OC90: variants seen among roughly 807,000 people sequenced by gnomAD.
The protein encoded by OC90 is otoconin-90.
Under a neutral mutation model 47.3 loss-of-function variants are expected in OC90, and 46 were observed. That is an observed-to-expected ratio of 0.97 (90% confidence interval 0.77 to 1.24). The LOEUF (loss-of-function observed/expected upper bound fraction) is 1.24, where lower values mean the gene tolerates loss of function less well. Among genes scored for constraint, OC90 ranks in the 50% most tolerant of loss-of-function variants. The probability of loss-of-function intolerance (pLI) is 0.00; values close to 1 mark genes in which losing one functional copy is unlikely to be tolerated. For missense variants in OC90, 688 were observed against 583.9 expected (o/e 1.18, Z -1.84); for synonymous variants, 271 against 219.5 (o/e 1.23, Z -2.07).
chr8:132,028,632 A>G (rs1332581206), intron 13 of OC90, among the ~76,000 whole-genome samples: 1 of 116,002 alleles, frequency 8.6e-6, no homozygotes, highest in African/African-American at 3.1e-5. Flanking sequence ...GAAGGAAGGA[A>G]GGAAAGAAAG....
At chr8:132,054,061 C>T (rs1041773741) in intron 2 of OC90, among the ~76,000 whole-genome samples, 2 of 152,184 alleles carry the variant, frequency 1.3e-5, no homozygotes, top group South Asian at 2.1e-4. Context: ...TGAGAAGGGA[C>T]CTTGCGGAGC....
intron 10 of OC90, among the ~76,000 whole-genome samples, chr8:132,034,024 A>G (rs1259834186): frequency 6.6e-6 from 1 of 152,176 alleles, no homozygotes; most frequent in Non-Finnish European, 1.5e-5. Context: ...ATGAGACTAA[A>G]GCCCTGTTGT....
intron 12 of OC90, among the ~76,000 whole-genome samples, chr8:132,031,379 A>G (rs1489596130): frequency 6.6e-6 from 1 of 152,214 alleles, no homozygotes; most frequent in Non-Finnish European, 1.5e-5. Context: ...GTCAACGAAA[A>G]TTCTTTCAAG....
At chr8:132,050,670 A>AAC (rs1823200040) in intron 2 of OC90, among the ~76,000 whole-genome samples, 2 of 152,160 alleles carry the variant, frequency 1.3e-5, no homozygotes, top group African/African-American at 4.8e-5. Context: ...TCTGCCTGGC[A>AAC]AGATGCTTCC....
At chr8:132,028,656 A>AAGAG (rs1563727608) in intron 13 of OC90, among the ~76,000 whole-genome samples, 2 of 127,256 alleles carry the variant, frequency 1.6e-5, no homozygotes, top group East Asian at 2.3e-4. Context: ...GGAAGGAAGA[A>AAGAG]AGAAAGAAAG....
At chr8:132,036,402 C>T (rs1186507181) in intron 9 of OC90, 1 of 780,786 alleles carries the variant, frequency 1.3e-6, no homozygotes, top group Admixed American at 1.7e-5. Flanking sequence ...GTCTGTCAGC[C>T]TCAGTCTCTG....
At chr8:132,036,338 A>C (rs966291650) in intron 9 of OC90, 2 of 780,686 alleles carry the variant, frequency 2.6e-6, no homozygotes, top group South Asian at 2.7e-5. Context: ...ACTGGATTCC[A>C]GGCTGTCCTT....
At chr8:132,035,837 G>A (rs1822951232) in intron 9 of OC90, among the ~76,000 whole-genome samples, 1 of 152,196 alleles carries the variant, frequency 6.6e-6, no homozygotes, top group Non-Finnish European at 1.5e-5. Flanking sequence ...AGGCCTCCAA[G>A]GACCAGGGAA....
At chr8:132,049,545 T>C (rs1823185061) in intron 2 of OC90, among the ~76,000 whole-genome samples, 1 of 152,126 alleles carries the variant, frequency 6.6e-6, no homozygotes, top group African/African-American at 2.4e-5. Flanking sequence ...GTTGATCTTA[T>C]AGCCATGATA....
At chr8:132,035,660 C>T (rs1287934005) in intron 9 of OC90, among the ~76,000 whole-genome samples, 1 of 152,204 alleles carries the variant, frequency 6.6e-6, no homozygotes, top group Non-Finnish European at 1.5e-5. Context: ...GATATGGACA[C>T]AAATGCTCCA....
At chr8:132,044,560 G>T in intron 3 of OC90, 71 bp from the exon 4 acceptor site, 2 of 844,698 alleles carry the variant, frequency 2.4e-6, no homozygotes, top group South Asian at 1.5e-5. Context: ...CCACCCTCTA[G>T]GTAAAGTGTA....
At chr8:132,048,308 T>C (rs141572725) in intron 2 of OC90, among the ~76,000 whole-genome samples, 92 of 152,262 alleles carry the variant, frequency 6.0e-4, no homozygotes, top group African/African-American at 2.2e-3. Flanking sequence ...AAAGGGTAAA[T>C]ATATTTTTCT....
At position 132,029,056 on chromosome 8, in the gene OC90, C is replaced by A. The variant is rs1169647087; in HGVS notation, c.1138+17G>T. On this transcript the variant is annotated intron_variant, in intron 13 of 13. Coordinates refer to ENST00000254627, the MANE Select transcript of OC90 (RefSeq NM_001080399.3). ...CTCAATGAAATAATAACTCAATGTG[C>A]AACCAACAGCACTTACACTTGGGCG... 1 of 1,566,464 alleles carries A rather than the reference C, an allele frequency of 6.4e-7. No individual in the cohort carries two copies. The highest frequency in any genetic ancestry group is 8.8e-7 in the Non-Finnish European group (1 of 1,136,458).
intron 13 of OC90, 75 bp downstream of exon 13, chr8:132,028,998 T>C: frequency 9.9e-7 from 1 of 1,014,190 alleles, no homozygotes; most frequent in Admixed American, 1.7e-5. Flanking sequence ...TGGGAAACCA[T>C]CCACAAGTCT....
In OC90 at chr8:132,048,835, G is replaced by T. The variant is rs80057240; in HGVS notation, c.47-2952C>A. On this transcript the variant is annotated intron_variant, in intron 2 of 13. Coordinates refer to ENST00000254627, the MANE Select transcript of OC90 (RefSeq NM_001080399.3). ...GTGTTTGGCCAACTTCGTCACAAGG[G>T]ATGGCTGAGGCACAGTCTACAAGAG... Among the ~76,000 whole-genome samples the T allele has an allele frequency of 4.2e-3, 640 of 151,648 alleles. 32 individuals carry two copies. Among genetic ancestry groups the T allele is most frequent in the African/African-American group, 0.015 (622 of 40,934 alleles).
chr8:132,032,034 A>T lies in OC90; in HGVS notation c.878T>A (p.Phe293Tyr), dbSNP rs901841842. ...GTTGTCCCCACTTCCCAGGTGCAGG[A>T]AGGTGAATCTGTCACAGGCTGAAAG... is the stretch of plus-strand genomic sequence containing the variant. ...TTEKACDRFT[F>Y]LHLGSGDNMQ... Residue 293 changes from phenylalanine to tyrosine, a missense_variant, in exon 12 of 14, where the codon TTC becomes TAC. Transcript: ENST00000254627. 1.2e-6 allele frequency: 2 copies of T among 1,613,878 alleles called. No individual in the cohort carries two copies. The highest frequency in any genetic ancestry group is 1.7e-6 in the Non-Finnish European group (2 of 1,179,802).
Position 132,044,428 on chromosome 8 carries a change from C to A in OC90, c.169+5G>T. On this transcript the variant is annotated splice_donor_5th_base_variant and intron_variant, in intron 4 of 13. Coordinates refer to ENST00000254627, the MANE Select transcript of OC90 (RefSeq NM_001080399.3). ...TGGATAAAAGCAATTTTAGACTTAACTTACCAAAAATTTCAGCCACACTTT... is the reference window on the plus strand; with the variant it reads ...TGGATAAAAGCAATTTTAGACTTAAATTACCAAAAATTTCAGCCACACTTT... The A allele has an allele frequency of 1.3e-6, 2 of 1,516,432 alleles. No homozygotes were observed. The highest frequency in any genetic ancestry group is 1.2e-5 in the South Asian group (1 of 83,946). The allele number at this position is 1,516,432 out of a possible 1,614,324, so 93.9% of individuals were successfully genotyped here. A position where few individuals can be genotyped will look rare whatever the true frequency, so the allele number is the denominator to read the frequency against.
At chr8:132,037,274 A>C (rs538215961) in intron 9 of OC90, among the ~76,000 whole-genome samples, 164 bp downstream of exon 9, 110 of 152,302 alleles carry the variant, frequency 7.2e-4, no homozygotes, top group African/African-American at 2.2e-3. Context: ...GTGGGAGGTG[A>C]TTGGATCATG....
intron 10 of OC90, among the ~76,000 whole-genome samples, chr8:132,034,119 T>A (rs1822918399): frequency 6.6e-6 from 1 of 152,220 alleles, no homozygotes; most frequent in Admixed American, 6.5e-5. Flanking sequence ...TTCTATCATG[T>A]TCTCCACTGC....
Sources: allele counts gnomAD v4.1 joint callset (sites outside exome capture counted in the v4.1 genomes callset), GRCh38; gene constraint gnomAD v4.1.1; transcripts MANE v1.5; gene names NCBI Gene and HGNC (gene_info 2026-07-23, HGNC 2026-07-21).